The following EDNRA variants were observed in gnomAD, a reference collection of about 807,000 sequenced individuals.
EDNRA encodes endothelin-1 receptor.
EDNRA carries 11 observed loss-of-function variants against 41.4 expected under a neutral mutation model. The ratio of observed to expected loss-of-function variants is 0.27; its 90% CI spans 0.17 to 0.44. The LOEUF is 0.44. Among genes scored for constraint, EDNRA ranks in the 20% least tolerant of loss-of-function variants. The pLI, the probability that EDNRA is intolerant of heterozygous loss-of-function variation, is 1.00. For synonymous variants in EDNRA, 172 were observed against 183.0 expected, an observed-to-expected ratio of 0.94 and a Z score of 0.49; for missense variants, 294 against 531.0, an observed-to-expected ratio of 0.55 and a Z score of 4.39.
At chr4:147,522,223 C>G (rs1730349325) in intron 3 of EDNRA, among the ~76,000 whole-genome samples, 1 of 151,944 alleles carries the variant, frequency 6.6e-6, no homozygotes, top group Non-Finnish European at 1.5e-5. Flanking sequence ...AAGTGTTAGG[C>G]CCTATTGAAA....
At chr4:147,541,485 G>A (rs77725850) in intron 7 of EDNRA, among the ~76,000 whole-genome samples, 2,165 of 152,316 alleles carry the variant, frequency 0.014, 65 homozygotes, top group African/African-American at 0.049. Context: ...CCCAGGTAGT[G>A]CCTCTCTTGC....
rs1379360056 is a variant in EDNRA, at chr4:147,519,140, A to G, written c.421-711A>G. Among the ~76,000 whole-genome samples, 1 of 152,234 alleles carries G rather than the reference A, an allele frequency of 6.6e-6. No homozygotes were observed. The highest frequency in any genetic ancestry group is 1.5e-5 in the Non-Finnish European group (1 of 68,042). On this transcript the variant is annotated intron_variant, in intron 2 of 7. Coordinates refer to ENST00000651419, the MANE Select transcript of EDNRA (RefSeq NM_001957.4). This position sits in a 1 kb window ranked among gnomAD's most constrained non-coding sequence, Gnocchi z 4.1. ...CACATTTTTCTGTATAGTAAGGGGA[A>G]GTTTGAGCCTAAATAGAGAAAAGCC...
At chr4:147,525,839 C>T (rs1422581080) in intron 3 of EDNRA, among the ~76,000 whole-genome samples, 1 of 152,198 alleles carries the variant, frequency 6.6e-6, no homozygotes, top group East Asian at 1.9e-4. Flanking sequence ...ATTAATGAGG[C>T]AGCTTTGTTT....
chr4:147,534,352 A>G (rs964546079), intron 4 of EDNRA, among the ~76,000 whole-genome samples: 1 of 152,232 alleles, frequency 6.6e-6, no homozygotes, highest in Non-Finnish European at 1.5e-5. Flanking sequence ...TGTTGGGAAC[A>G]GGGAAATGTT....
chr4:147,540,341 A>T (rs1185017000), intron 6 of EDNRA, 36 bp from the exon 7 acceptor site: 4 of 1,458,750 alleles, frequency 2.7e-6, no homozygotes, highest in Non-Finnish European at 2.8e-6. Context: ...AAAACAATAT[A>T]TTCTAATTAT....
chr4:147,482,699 CATT>C (rs948393071), intron 1 of EDNRA, among the ~76,000 whole-genome samples: 3 of 152,150 alleles, frequency 2.0e-5, no homozygotes, highest in South Asian at 2.1e-4. Flanking sequence ...GTAGTGGTGT[CATT>C]GTTGGAGGAG....
At chr4:147,539,704 T>C (rs111873595) in intron 5 of EDNRA, 113 bp from the exon 6 acceptor site, 1 of 1,262,428 alleles carries the variant, frequency 7.9e-7, no homozygotes, top group African/African-American at 1.5e-5. Flanking sequence ...TTCTCCTGGC[T>C]CTTCTTTGAA....
chr4:147,508,902 C>T (rs1395946833), intron 2 of EDNRA, among the ~76,000 whole-genome samples: 1 of 152,064 alleles, frequency 6.6e-6, no homozygotes, highest in Admixed American at 6.5e-5. Context: ...TCCTACTTTG[C>T]ATTTTGTCAG....
chr4:147,520,121 C>A, intron 3 of EDNRA, 143 bp downstream of exon 3: 1 of 1,182,698 alleles, frequency 8.5e-7, no homozygotes, highest in Non-Finnish European at 1.2e-6. Flanking sequence ...CTTGCCTTTG[C>A]TGTTTAGAAT....
intron 3 of EDNRA, among the ~76,000 whole-genome samples, chr4:147,528,276 C>A (rs1398557430): frequency 6.6e-6 from 1 of 151,628 alleles, no homozygotes; most frequent in Non-Finnish European, 1.5e-5. Context: ...ACTTGTTGTT[C>A]TAGGTATTGT....
Position 147,485,802 on chromosome 4 carries a change from C to A in EDNRA, c.121C>A (p.Arg41Ser). 6.2e-7 allele frequency: 1 copy of A among 1,614,236 alleles called. No individual in the cohort carries two copies. Among genetic ancestry groups the A allele is most frequent in the Non-Finnish European group, 8.5e-7 (1 of 1,180,044 alleles). The change falls in exon 2 of 8, where the codon CGT (arginine) becomes AGT (serine). Residue 41 changes from arginine to serine, a missense_variant. Physicochemically the swap from Arg to Ser is moderately radical, Grantham distance 110. Around this residue, in one of 3 missense-constraint regions of EDNRA, gnomAD observed 90 missense variants for 122.8 expected, o/e 0.73. Transcript: ENST00000651419. Reference sequence around the variant, plus strand: ...TCATGTGGATGATTTCACCACTTTTCGTGGCACAGAGCTCAGCTTCCTGGT... The same window carrying A: ...TCATGTGGATGATTTCACCACTTTTAGTGGCACAGAGCTCAGCTTCCTGGT... Reference protein sequence around the residue: ...SNHVDDFTTFRGTELSFLVTT... With the variant: ...SNHVDDFTTFSGTELSFLVTT...
intron 2 of EDNRA, chr4:147,493,491 T>TGGTTA (rs1464641267): frequency 6.6e-6 from 1 of 151,854 alleles, no homozygotes; most frequent in Non-Finnish European, 1.5e-5. Flanking sequence ...GAGACTGGAG[T>TGGTTA]GGTTAAATAA....
At chr4:147,500,868 C>A (rs961618911) in intron 2 of EDNRA, among the ~76,000 whole-genome samples, 1 of 152,116 alleles carries the variant, frequency 6.6e-6, no homozygotes, top group Admixed American at 6.5e-5. Context: ...CATGGACTCT[C>A]AAAATGTGAG....
chr4:147,516,040 A>G (rs893746562), intron 2 of EDNRA, among the ~76,000 whole-genome samples: 8 of 152,208 alleles, frequency 5.3e-5, no homozygotes, highest in African/African-American at 1.9e-4. Context: ...GGCTTTAACT[A>G]TATTTCAACT....
chr4:147,500,743 T>TAAA (rs11405111), intron 2 of EDNRA, among the ~76,000 whole-genome samples: 3 of 129,544 alleles, frequency 2.3e-5, no homozygotes, highest in Non-Finnish European at 5.1e-5. Context: ...GGGATGGAGG[T>TAAA]AAAAAAAAAA....
chr4:147,505,816 T>C (rs1560902083), intron 2 of EDNRA, among the ~76,000 whole-genome samples: 1 of 150,816 alleles, frequency 6.6e-6, no homozygotes, highest in Admixed American at 6.6e-5. Context: ...GCCCAGCTAA[T>C]TTTTTGCATT....
At chr4:147,489,950 T>TCA (rs903913404) in intron 2 of EDNRA, 5 of 152,140 alleles carry the variant, frequency 3.3e-5, no homozygotes, top group Non-Finnish European at 7.3e-5. Flanking sequence ...CAAAATGCTA[T>TCA]CACTACCCCC....
At chr4:147,520,393 G>A (rs770584244) in intron 3 of EDNRA, 15 of 519,134 alleles carry the variant, frequency 2.9e-5, no homozygotes, top group African/African-American at 2.9e-4. Flanking sequence ...GCACCATATT[G>A]CTATGTTCTT....
At chr4:147,504,957 CAAAAAAA>C (rs57911108) in intron 2 of EDNRA, among the ~76,000 whole-genome samples, 1 of 39,044 alleles carries the variant, frequency 2.6e-5, no homozygotes, top group African/African-American at 1.2e-4. Context: ...GACCCTGTCT[CAAAAAAA>C]AAAAAAAAAA....
Sources: gnomAD v4.1 joint callset for allele counts (sites outside exome capture counted in the v4.1 genomes callset) on GRCh38, gnomAD v4.1.1 for gene constraint, gnomAD v4.1.1 regional missense constraint, Gnocchi (gnomAD v3.1) non-coding constraint, MANE v1.5 for transcripts, NCBI Gene and HGNC (gene_info 2026-07-23, HGNC 2026-07-21) for gene names.